Variants in ACIN1 observed in about 807,000 individuals in gnomAD.
ACIN1 encodes the protein apoptotic chromatin condensation inducer in the nucleus.
In ACIN1, 16 loss-of-function variants were observed where a neutral mutation model predicts 146.6. The observed-to-expected ratio is 0.11, with a 90% CI of 0.07 to 0.17. ACIN1 has a LOEUF of 0.17. Among genes scored for constraint, ACIN1 ranks in the 10% least tolerant of loss-of-function variants. ACIN1 has a pLI of 1.00. For synonymous variants in ACIN1, 569 were observed against 582.7 expected, an observed-to-expected ratio of 0.98 and a Z score of 0.34; for missense variants, 1,357 against 1,609.3, an observed-to-expected ratio of 0.84 and a Z score of 2.68.
At chr14:23,062,585 A>G in intron 14 of ACIN1, 62 bp from the exon 15 acceptor site, 1 of 1,467,936 alleles carries the variant, frequency 6.8e-7, no homozygotes, top group Non-Finnish European at 9.5e-7. Flanking sequence ...CAATCTTTAG[A>G]TTTCCCGAGC....
chr14:23,073,383 A>G (rs2047714404), intron 8 of ACIN1, among the ~76,000 whole-genome samples: 1 of 152,044 alleles, frequency 6.6e-6, no homozygotes, highest in Non-Finnish European at 1.5e-5. Flanking sequence ...TTTCTTATTG[A>G]AAAAAAAATT....
chr14:23,079,696 A>T lies in ACIN1; in HGVS notation c.1639T>A (p.Ser547Thr). 1 of 1,614,106 alleles carries T rather than the reference A, an allele frequency of 6.2e-7. No individual in the cohort carries two copies. The highest frequency in any genetic ancestry group is 8.5e-7 in the Non-Finnish European group (1 of 1,180,032). ...TCTCTCTGCTTGGATCTGAGCGGTG[A>T]ATGAGACCGAGAACCTGAACTGTCA... ...SPDSSGSRSH[S>T]PLRSKQRDVA... is the part of the protein sequence containing the mutation. Residue 547 changes from serine (S) to threonine (T), a missense_variant, in exon 6 of 19, where the codon TCA (serine) becomes ACA (threonine). Physicochemically the swap from Ser to Thr is moderately conservative, Grantham distance 58. Coordinates refer to ENST00000605057, the MANE Select transcript of ACIN1 (RefSeq NM_001386863.1).
intron 8 of ACIN1, among the ~76,000 whole-genome samples, chr14:23,075,240 T>C (rs905985866): frequency 2.0e-5 from 3 of 152,028 alleles, no homozygotes; most frequent in Non-Finnish European, 4.4e-5. Context: ...GAAGGTTGTA[T>C]CTAGAGAAAT....
In ACIN1 at chr14:23,067,447, G is replaced by A. The variant is rs2047492416; in HGVS notation, c.2266-1439C>T. On this transcript the variant is annotated intron_variant, in intron 9 of 18. Coordinates refer to ENST00000605057, the MANE Select transcript of ACIN1 (RefSeq NM_001386863.1). The surrounding 1 kb of genome is among the most constrained non-coding windows in gnomAD (Gnocchi z 4.6). ...GGTTGGGTTGGCAAAAAAGGTGGGC[G>A]CACGGCGTGGTAGTCAGCACGGCAC... The A allele has an allele frequency of 3.7e-5, 36 of 976,232 alleles. No individual in the cohort carries two copies. The highest frequency in any genetic ancestry group is 6.5e-5 in the Admixed American group (1 of 15,434). 60.5% of individuals were successfully genotyped at this position (976,232 alleles called of 1,614,324 possible).
chr14:23,095,281 C>G, upstream of ACIN1: 1 of 1,596,820 alleles, frequency 6.3e-7, no homozygotes, highest in Non-Finnish European at 8.6e-7. Flanking sequence ...GTTTCCGTCT[C>G]CACATCGTTA....
rs999990498 is a variant in ACIN1 at position 23,067,371 on chromosome 14, C to T, written c.2266-1363G>A. On this transcript the variant is annotated intron_variant, in intron 9 of 18. Coordinates refer to ENST00000605057, the MANE Select transcript of ACIN1 (RefSeq NM_001386863.1). This position sits in a 1 kb window ranked among gnomAD's most constrained non-coding sequence, Gnocchi z 4.6. ...CTGTGTACTGTATCTAGTCAACCGCCGGTCCAATCAGAATGAGCCCTCCCT... is the reference window on the plus strand; with the variant it reads ...CTGTGTACTGTATCTAGTCAACCGCTGGTCCAATCAGAATGAGCCCTCCCT... 1.3e-5 allele frequency: 13 copies of T among 985,608 alleles called. No homozygotes were observed. The highest frequency in any genetic ancestry group is 5.3e-5 in the African/African-American group (3 of 57,128). 61.1% of individuals were successfully genotyped at this position (985,608 alleles called of 1,614,324 possible). A position where few individuals can be genotyped will look rare whatever the true frequency, so the allele number is the denominator to read the frequency against.
intron 4 of ACIN1, among the ~76,000 whole-genome samples, chr14:23,084,857 T>G (rs2140197037): frequency 6.6e-6 from 1 of 152,262 alleles, no homozygotes; most frequent in African/African-American, 2.4e-5. Context: ...AAGACAGTAG[T>G]GCAGTGAAAT....
At chr14:23,088,155 ATTT>A (rs944470769) in intron 4 of ACIN1, among the ~76,000 whole-genome samples, 1 of 151,838 alleles carries the variant, frequency 6.6e-6, no homozygotes, top group South Asian at 2.1e-4. Context: ...AATTCAATAA[ATTT>A]TTTTTTGTTT....
chr14:23,080,248 T>C lies in ACIN1; in HGVS notation c.1087A>G (p.Lys363Glu), dbSNP rs1350361241. 1 of 1,614,132 alleles carries C rather than the reference T, an allele frequency of 6.2e-7. No individual in the cohort carries two copies. The highest frequency in any genetic ancestry group is 1.1e-5 in the South Asian group (1 of 91,072). ...EEETPPPLLT[K>E]EASSPPPHPQ... The stretch of plus-strand genomic sequence containing the variant: ...TGAGGTGGTGGAGAAGATGCTTCCT[T>C]TGTTAGTAAAGGTGGAGGAGTCTCC... Residue 363 changes from lysine to glutamate, a missense_variant, in exon 6 of 19, where the codon AAG becomes GAG. By Grantham distance (56) the Lys-to-Glu change is moderately conservative (BLOSUM62 1). This residue lies in a region of ACIN1 where 771 missense variants were observed against 746.6 expected (regional missense o/e 1.03). Transcript: ENST00000605057.
At position 23,081,768 on chromosome 14, in the gene ACIN1, G is replaced by A. The variant is rs2047949404; in HGVS notation, c.505C>T (p.Arg169Ter). 6.2e-7 allele frequency: 1 copy of A among 1,612,870 alleles called. No homozygotes were observed. The change falls in exon 5 of 19, where the codon CGA becomes TGA. Residue 169 changes from arginine (R) to a stop codon, truncating the protein, a stop_gained. Coordinates refer to ENST00000605057, the MANE Select transcript of ACIN1 (RefSeq NM_001386863.1). LOFTEE classifies it high-confidence loss of function. ...GTTACCTGTCTGACCCTAGATGATCGTCTTTCTCCTTTCCTTGGTTTCTCA... is the reference window on the plus strand; with the variant it reads ...GTTACCTGTCTGACCCTAGATGATCATCTTTCTCCTTTCCTTGGTTTCTCA... ...DDEKPRKGER[R>*]SSRVRQARAA... is the part of the protein sequence containing the mutation.
chr14:23,060,246 G>A (rs1241362166), intron 18 of ACIN1, among the ~76,000 whole-genome samples: 3 of 152,116 alleles, frequency 2.0e-5, no homozygotes, highest in African/African-American at 7.2e-5. Flanking sequence ...TGGGATTACA[G>A]GCATGAGCCA....
intron 18 of ACIN1, among the ~76,000 whole-genome samples, chr14:23,059,931 A>T (rs149275417): frequency 0.087 from 12,716 of 146,764 alleles, 623 homozygotes; most frequent in Middle Eastern, 0.12. Context: ...CTGGGATTAC[A>T]GGCGTGAGCC....
Position 23,080,037 on chromosome 14 carries a change from G to A in ACIN1, c.1298C>T (p.Pro433Leu), listed in dbSNP as rs376317634. ...ACTCTCCTCTGGCACTTTCTCTGCTGGAGATTCTGCTTTGGTGTCTGAAGG... is the reference window on the plus strand; with the variant it reads ...ACTCTCCTCTGGCACTTTCTCTGCTAGAGATTCTGCTTTGGTGTCTGAAGG... ...SSPSDTKAES[P>L]AEKVPEESVL... Residue 433 changes from proline to leucine, a missense_variant, in exon 6 of 19, where the codon CCA becomes CTA. Pro to Leu is a moderately conservative substitution (Grantham distance 98). Around this residue, in one of 4 missense-constraint regions of ACIN1, gnomAD observed 771 missense variants for 746.6 expected, o/e 1.03. Coordinates refer to ENST00000605057, the MANE Select transcript of ACIN1 (RefSeq NM_001386863.1). 1.2e-6 allele frequency: 2 copies of A among 1,614,110 alleles called. No homozygotes were observed. Among genetic ancestry groups the A allele is most frequent in the South Asian group, 2.2e-5 (2 of 91,088 alleles).
intron 8 of ACIN1, chr14:23,071,368 G>C: frequency 1.3e-6 from 2 of 1,537,084 alleles, no homozygotes; most frequent in Non-Finnish European, 1.8e-6. Flanking sequence ...GGGAGGTGGT[G>C]GTGGTGCGGG....
chr14:23,094,722 G>A (rs937488349), intron 1 of ACIN1: 1 of 666,240 alleles, frequency 1.5e-6, no homozygotes, highest in South Asian at 2.6e-5. Flanking sequence ...AAGGAGGAAG[G>A]AGCTTAAGAC....
At position 23,067,388 on chromosome 14, in the gene ACIN1, G is replaced by A; in HGVS notation, c.2266-1380C>T. ...TCAACCGCCGGTCCAATCAGAATGA[G>A]CCCTCCCTGCTAGGCGCTGTGCAAT... On this transcript the variant is annotated intron_variant, in intron 9 of 18. Transcript: ENST00000605057. This position sits in a 1 kb window ranked among gnomAD's most constrained non-coding sequence, Gnocchi z 4.6. The A allele has an allele frequency of 2.0e-6, 2 of 985,462 alleles. No individual in the cohort carries two copies. The highest frequency in any genetic ancestry group is 2.4e-6 in the Non-Finnish European group (2 of 829,940). The allele number at this position is 985,462 out of a possible 1,614,324, so 61.0% of individuals were successfully genotyped here. A position where few individuals can be genotyped will look rare whatever the true frequency, so the allele number is the denominator to read the frequency against.
chr14:23,064,529 G>C (rs369978198), intron 10 of ACIN1, 41 bp from the exon 11 acceptor site: 32 of 1,608,526 alleles, frequency 2.0e-5, no homozygotes, highest in Non-Finnish European at 2.4e-5. Flanking sequence ...ATGGTCTCAG[G>C]ACCTCTGCTA....
chr14:23,079,495 AC>A (rs2047886358), intron 6 of ACIN1, 51 bp downstream of exon 6: 2 of 1,580,436 alleles, frequency 1.3e-6, no homozygotes, highest in South Asian at 2.3e-5. Context: ...TGAAATGAAA[AC>A]CACTGGAATA....
chr14:23,059,624 AG>A, intron 18 of ACIN1, 150 bp from the exon 19 acceptor site: 1 of 643,104 alleles, frequency 1.6e-6, no homozygotes, highest in South Asian at 1.9e-5. Context: ...TGTCTTTCTT[AG>A]AGCACCTCTC....
Sources: gnomAD v4.1 joint callset for allele counts (sites outside exome capture counted in the v4.1 genomes callset) on GRCh38, gnomAD v4.1.1 for gene constraint, gnomAD v4.1.1 regional missense constraint, Gnocchi (gnomAD v3.1) non-coding constraint, MANE v1.5 for transcripts, NCBI Gene and HGNC (gene_info 2026-07-23, HGNC 2026-07-21) for gene names.